Variants in ETV7 observed in about 807,000 individuals in gnomAD.
The protein encoded by ETV7 is ETS variant transcription factor 7, also known as transcription factor ETV7.
Under a neutral mutation model 39.1 loss-of-function variants are expected in ETV7, and 43 were observed. The observed-to-expected ratio is 1.10, with a 90% CI of 0.86 to 1.42. ETV7 has a LOEUF of 1.42. Ranked by LOEUF, ETV7 falls within the 40% of genes most tolerant of loss-of-function variation. ETV7 has a pLI of 0.00. For missense variants in ETV7, 432 were observed against 442.3 expected (o/e 0.98, Z 0.21); for synonymous variants, 196 against 176.6 (o/e 1.11, Z -0.87).
chr6:36,364,216 G>A (rs377421246), downstream of ETV7, among the ~76,000 whole-genome samples: 464 of 152,362 alleles, frequency 3.0e-3, 6 homozygotes, highest in South Asian at 0.026. Context: ...CTGCCAGTCC[G>A]GCGCCGTGAG....
At chr6:36,375,726 C>T (rs1773290569) in intron 3 of ETV7, 145 bp downstream of exon 3, 4 of 1,318,220 alleles carry the variant, frequency 3.0e-6, no homozygotes, top group Non-Finnish European at 3.2e-6. Flanking sequence ...CACACGTATG[C>T]AGAGGGGCAT....
At chr6:36,376,377 A>C (rs138037643) in intron 2 of ETV7, among the ~76,000 whole-genome samples, 351 of 152,340 alleles carry the variant, frequency 2.3e-3, no homozygotes, top group African/African-American at 8.0e-3. Flanking sequence ...GGCGTGCTGG[A>C]GCACACTGTT....
At chr6:36,358,687 G>C (rs945865991) in intron 7 of ETV7, among the ~76,000 whole-genome samples, 2 of 152,142 alleles carry the variant, frequency 1.3e-5, no homozygotes, top group Non-Finnish European at 2.9e-5. Flanking sequence ...AGATTTGCAC[G>C]CCACGTTCAG....
At chr6:36,365,336 C>T (rs1772675733), downstream of ETV7, among the ~76,000 whole-genome samples, 1 of 152,206 alleles carries the variant, frequency 6.6e-6, no homozygotes, top group African/African-American at 2.4e-5. Context: ...AGCTTCTGGT[C>T]TGCAAAGTCT....
At chr6:36,376,867 T>C (rs1773395189) in intron 2 of ETV7, among the ~76,000 whole-genome samples, 1 of 151,750 alleles carries the variant, frequency 6.6e-6, no homozygotes, top group Admixed American at 6.6e-5. Context: ...CCCACACGCA[T>C]ACAGGCAGCA....
downstream of ETV7, among the ~76,000 whole-genome samples, chr6:36,362,389 G>A (rs865945787): frequency 6.6e-6 from 1 of 152,126 alleles, no homozygotes; most frequent in Non-Finnish European, 1.5e-5. Flanking sequence ...CTTGAACCCA[G>A]GAAGCAGAGG....
chr6:36,354,098 T>C (rs1454825728), exon 8 of ETV7: 1 of 152,160 alleles, frequency 6.6e-6, no homozygotes, highest in South Asian at 2.1e-4. Flanking sequence ...TTTGGGGTTT[T>C]TTGTCTTTTT....
chr6:36,359,386 G>C (rs1772417821), intron 7 of ETV7, among the ~76,000 whole-genome samples: 1 of 152,082 alleles, frequency 6.6e-6, no homozygotes, highest in East Asian at 1.9e-4. Context: ...AGGAGGCGGA[G>C]GTTGCGGTGA....
At chr6:36,378,062 C>T (rs922252389) in intron 2 of ETV7, among the ~76,000 whole-genome samples, 5 of 152,028 alleles carry the variant, frequency 3.3e-5, no homozygotes, top group Non-Finnish European at 2.9e-5. Flanking sequence ...TAACTAAGAT[C>T]AAATGGTCTT....
chr6:36,377,124 C>T (rs933239050), intron 2 of ETV7, among the ~76,000 whole-genome samples: 2 of 152,288 alleles, frequency 1.3e-5, no homozygotes, highest in Admixed American at 6.5e-5. Context: ...GGCTACGTTA[C>T]GACTTCATGA....
At chr6:36,357,409 A>G (rs1006465688) in intron 7 of ETV7, among the ~76,000 whole-genome samples, 37 of 152,228 alleles carry the variant, frequency 2.4e-4, no homozygotes, top group Admixed American at 2.4e-3. Flanking sequence ...CAGGAAGCCC[A>G]CTGGGGCAAT....
intron 2 of ETV7, among the ~76,000 whole-genome samples, chr6:36,384,477 C>T (rs999217589): frequency 2.2e-4 from 34 of 152,256 alleles, no homozygotes; most frequent in East Asian, 1.2e-3. Context: ...ATTTAGTGAG[C>T]CTCTGAGCTT....
At chr6:36,384,646 T>C (rs1773807151) in intron 2 of ETV7, among the ~76,000 whole-genome samples, 1 of 152,140 alleles carries the variant, frequency 6.6e-6, no homozygotes. Context: ...TCCCAGCATT[T>C]TGGGAGGCCG....
intron 4 of ETV7, among the ~76,000 whole-genome samples, chr6:36,373,172 T>G (rs1378332446): frequency 6.6e-6 from 1 of 151,884 alleles, no homozygotes; most frequent in Non-Finnish European, 1.5e-5. Flanking sequence ...CTGGAGACCT[T>G]GACAAGTGGT....
At chr6:36,386,403 C>T (rs1773900677) in intron 1 of ETV7, among the ~76,000 whole-genome samples, 1 of 152,220 alleles carries the variant, frequency 6.6e-6, no homozygotes, top group African/African-American at 2.4e-5. Context: ...GGTCTCACCA[C>T]GGGAAGCCTG....
chr6:36,379,037 G>A (rs1773515343), intron 2 of ETV7, among the ~76,000 whole-genome samples: 1 of 152,236 alleles, frequency 6.6e-6, no homozygotes, highest in Admixed American at 6.5e-5. Context: ...AGATGAGTCT[G>A]GTGATACATG....
In ETV7 at chr6:36,368,945, A is replaced by C; in HGVS notation, c.791T>G (p.Leu264Arg). The change falls in exon 6 of 8, where the codon CTC (leucine) becomes CGC (arginine). Residue 264 changes from leucine (L) to arginine (R), a missense_variant. Transcript: ENST00000340181. ...GAGGCTCACCTTGTGATTTCCCCAG[A>C]GTCTGGCGAGCCCATTTGGATCCAC... The part of the protein sequence containing the change: ...RVVDPNGLAR[L>R]WGNHKNRVNM... 1 of 1,614,064 alleles carries C rather than the reference A, an allele frequency of 6.2e-7. No individual in the cohort carries two copies. The highest frequency in any genetic ancestry group is 8.5e-7 in the Non-Finnish European group (1 of 1,180,002).
In ETV7 at chr6:36,373,462, G is replaced by A; in HGVS notation, c.424C>T (p.Pro142Ser). The A allele has an allele frequency of 1.3e-6, 2 of 1,568,164 alleles. No individual in the cohort carries two copies. The highest frequency in any genetic ancestry group is 1.2e-5 in the South Asian group (1 of 83,850). ...CAGAGAGCTTCCTCACCTTCCGGGG[G>A]GACTGGAGAGTGCTGGGTGGGCGTC... Reference protein sequence around the residue: ...LKTPTQHSPVPPEEVTGPSQM... With the variant: ...LKTPTQHSPVSPEEVTGPSQM... Residue 142 changes from proline (P) to serine (S), a missense_variant, in exon 4 of 8, where the codon CCC becomes TCC. Transcript: ENST00000340181.
chr6:36,357,790 AT>A (rs1295474949), intron 7 of ETV7, among the ~76,000 whole-genome samples: 1 of 152,168 alleles, frequency 6.6e-6, no homozygotes, highest in Non-Finnish European at 1.5e-5. Flanking sequence ...AGGCATGAGA[AT>A]CACTTGAACC....
Sources: gnomAD v4.1 joint callset for allele counts (sites outside exome capture counted in the v4.1 genomes callset) on GRCh38, gnomAD v4.1.1 for gene constraint, MANE v1.5 for transcripts, NCBI Gene and HGNC (gene_info 2026-07-23, HGNC 2026-07-21) for gene names.